Variants in EXT1 observed in about 807,000 individuals in gnomAD.
EXT1 encodes exostosin-1.
Under a neutral mutation model 82.5 loss-of-function variants are expected in EXT1, and 20 were observed. The ratio of observed to expected loss-of-function variants is 0.24; its 90% CI spans 0.17 to 0.35. The LOEUF is 0.35. Among genes scored for constraint, EXT1 ranks in the 10% least tolerant of loss-of-function variants. EXT1 has a pLI of 1.00. For missense variants in EXT1, 757 were observed against 936.5 expected, an observed-to-expected ratio of 0.81 and a Z score of 2.50; for synonymous variants, 348 against 350.8, an observed-to-expected ratio of 0.99 and a Z score of 0.09.
chr8:118,083,085 G>A (rs1220040357), intron 1 of EXT1, among the ~76,000 whole-genome samples: 3 of 152,124 alleles, frequency 2.0e-5, no homozygotes, highest in Non-Finnish European at 2.9e-5. Context: ...TTAAACTGGT[G>A]GGGCTTGCGA....
rs961046001 is a variant in EXT1, at chr8:117,804,771, G to A, written c.2006C>T (p.Pro669Leu). The change falls in exon 10 of 11, where the codon CCA (proline) becomes CTA (leucine). Residue 669 changes from proline to leucine, a missense_variant. Physicochemically the swap from Pro to Leu is moderately conservative, Grantham distance 98. Transcript: ENST00000378204. ...FLVSAVTKLP[P>L]IKVTQKKQYK... ...CTGCTTCTTCTGGGTCACTTTGATT[G>A]GAGGCAATTTTGTCACAGCAGACAC... 1.2e-6 allele frequency: 2 copies of A among 1,614,130 alleles called. No homozygotes were observed. The highest frequency in any genetic ancestry group is 8.5e-7 in the Non-Finnish European group (1 of 1,180,004).
intron 1 of EXT1, among the ~76,000 whole-genome samples, chr8:117,845,842 G>T (rs1812349611): frequency 6.6e-6 from 1 of 152,126 alleles, no homozygotes; most frequent in Non-Finnish European, 1.5e-5. Flanking sequence ...AATCTTTACT[G>T]TGCCTTATCT....
intron 1 of EXT1, among the ~76,000 whole-genome samples, chr8:118,030,931 T>C (rs1286417013): frequency 6.6e-6 from 1 of 152,178 alleles, no homozygotes; most frequent in Non-Finnish European, 1.5e-5. Flanking sequence ...ACTCTTACGT[T>C]TCTAAAGGTC....
At chr8:117,892,297 C>A (rs567951137) in intron 1 of EXT1, among the ~76,000 whole-genome samples, 9 of 152,348 alleles carry the variant, frequency 5.9e-5, no homozygotes, top group African/African-American at 2.2e-4. Context: ...AATGCATTCA[C>A]CTAGGACAAT....
rs17439555 is a variant in EXT1 at position 117,808,443 on chromosome 8, T to A, written c.1723-1066A>T. On this transcript the variant is annotated intron_variant, in intron 8 of 10. Transcript: ENST00000378204. ...GAGCTAATAAGTGGCAGAGCCAAGA[T>A]TCAAACTCAGGCAGTCTGGTTTCAA... Among the ~76,000 whole-genome samples the A allele has an allele frequency of 2.1e-4, 32 of 152,340 alleles. 1 individual carries two copies. Among genetic ancestry groups the A allele is most frequent in the Non-Finnish European group, 4.1e-4 (28 of 68,030 alleles).
rs182234865 is a variant in EXT1 at position 117,903,227 on chromosome 8, C to T, written c.963-66026G>A. 1.9e-4 allele frequency among the ~76,000 whole-genome samples: 29 copies of T among 152,208 alleles called. No homozygotes were observed. The South Asian group carries it at 4.8e-3, about 25-fold the overall frequency. Reference sequence around the variant, plus strand: ...TATTTGAAGGTTCAAACTAAGAAGACGAAATAGCAAGTTGCTAAGGTAAAA... The same window carrying T: ...TATTTGAAGGTTCAAACTAAGAAGATGAAATAGCAAGTTGCTAAGGTAAAA... On this transcript the variant is annotated intron_variant, in intron 1 of 10. Transcript: ENST00000378204.
Position 118,096,656 on chromosome 8 carries a change from AAGGAAGGAAGGAAGGAAGGG to A in EXT1, c.962+13409_962+13428del, listed in dbSNP as rs1445639082. On this transcript the variant is annotated intron_variant, in intron 1 of 10. Coordinates refer to ENST00000378204, the MANE Select transcript of EXT1 (RefSeq NM_000127.3). ...GAAGGAAGGAAGGAAGGAAGGAAGGAAGGAAGGAAGGAAGGAAGGGAGGGAGGGAGGGAGGGAAGGAGGGA... is the reference window on the plus strand; with the variant it reads ...GAAGGAAGGAAGGAAGGAAGGAAGGAAGGGAGGGAGGGAGGGAAGGAGGGA... 7.4e-3 allele frequency among the ~76,000 whole-genome samples: 785 copies of A among 106,538 alleles called. 23 individuals are homozygous for A. In the East Asian group the frequency reaches 0.12, roughly 16 times the overall value. 69.9% of individuals were successfully genotyped at this position (106,538 alleles called of 152,430 possible). A position where few individuals can be genotyped will look rare whatever the true frequency, so the allele number is the denominator to read the frequency against.
chr8:118,072,460 T>C (rs1456927184), intron 1 of EXT1, among the ~76,000 whole-genome samples: 1 of 152,250 alleles, frequency 6.6e-6, no homozygotes, highest in African/African-American at 2.4e-5. Context: ...CCTAATTGTC[T>C]GACCCAGCAA....
At chr8:118,079,387 T>TC (rs1461960971) in intron 1 of EXT1, among the ~76,000 whole-genome samples, 1 of 152,254 alleles carries the variant, frequency 6.6e-6, no homozygotes, top group African/African-American at 2.4e-5. Context: ...AGCTTAGAGT[T>TC]CCTTTTGATG....
intron 1 of EXT1, among the ~76,000 whole-genome samples, chr8:117,895,644 T>A (rs1813321421): frequency 6.6e-6 from 1 of 152,178 alleles, no homozygotes; most frequent in Non-Finnish European, 1.5e-5. Flanking sequence ...ATGAGAATGT[T>A]TACCCACCAA....
intron 1 of EXT1, among the ~76,000 whole-genome samples, chr8:118,054,956 G>GTGTA (rs1554597122): frequency 4.7e-5 from 7 of 149,612 alleles, no homozygotes; most frequent in African/African-American, 1.7e-4. Flanking sequence ...GTATGTATAT[G>GTGTA]TATATATATA....
chr8:118,028,601 T>C (rs531980692), intron 1 of EXT1, among the ~76,000 whole-genome samples: 14 of 151,578 alleles, frequency 9.2e-5, no homozygotes, highest in African/African-American at 3.4e-4. Context: ...AGTTGACAAA[T>C]GAGTCAATTA....
chr8:117,906,864 T>C (rs1208980895), intron 1 of EXT1, among the ~76,000 whole-genome samples: 3 of 152,156 alleles, frequency 2.0e-5, no homozygotes, highest in African/African-American at 7.2e-5. Context: ...CATACAGGTC[T>C]TACTCCACCC....
chr8:118,075,332 C>T (rs1259526433), intron 1 of EXT1, among the ~76,000 whole-genome samples: 2 of 152,196 alleles, frequency 1.3e-5, no homozygotes, highest in Non-Finnish European at 2.9e-5. Flanking sequence ...GTCTCCATTC[C>T]CGATACTGCA....
chr8:118,063,339 T>A (rs1038806427), intron 1 of EXT1, among the ~76,000 whole-genome samples: 3 of 152,100 alleles, frequency 2.0e-5, no homozygotes, highest in Non-Finnish European at 4.4e-5. Context: ...CATCTAGGAG[T>A]TTCTGTATGA....
intron 1 of EXT1, among the ~76,000 whole-genome samples, chr8:117,841,438 G>C (rs889938422): frequency 5.3e-5 from 8 of 152,120 alleles, no homozygotes; most frequent in Middle Eastern, 6.8e-3. Context: ...GAGGTCAAAT[G>C]GGGGGACACA....
rs745874384 is a variant in EXT1 at position 118,110,609 on chromosome 8, C to G, written c.438G>C (p.Ser146=). 1.1e-5 allele frequency: 18 copies of G among 1,614,024 alleles called. No homozygotes were observed. In the South Asian group the frequency reaches 1.9e-4, roughly 17 times the overall value. The part of the protein sequence containing the change: ...AAIEGSRFYT[S]DPSQACLFVL... ...CAAAGAGGCACGCCTGGCTGGGGTC[C>G]GAGGTGTAGAACCTGGAGCCCTCGA... is the stretch of plus-strand genomic sequence containing the variant. The change falls in exon 1 of 11, where the codon TCG becomes TCC. Residue 146 remains serine (S), a synonymous_variant. Transcript: ENST00000378204.
At chr8:118,107,284 G>C (rs1238945469) in intron 1 of EXT1, among the ~76,000 whole-genome samples, 1 of 152,098 alleles carries the variant, frequency 6.6e-6, no homozygotes, top group East Asian at 1.9e-4. Context: ...TTAAACTGAA[G>C]CTTTTTTTTT....
At chr8:117,897,441 C>G (rs1461067786) in intron 1 of EXT1, among the ~76,000 whole-genome samples, 1 of 152,078 alleles carries the variant, frequency 6.6e-6, no homozygotes, top group Non-Finnish European at 1.5e-5. Context: ...AGGCACTGTT[C>G]CTGCTTTATT....
Sources: allele counts gnomAD v4.1 joint callset (sites outside exome capture counted in the v4.1 genomes callset), GRCh38; gene constraint gnomAD v4.1.1; transcripts MANE v1.5; gene names NCBI Gene and HGNC (gene_info 2026-07-23, HGNC 2026-07-21).